ZMAT4: variants seen among roughly 807,000 people sequenced by gnomAD.
ZMAT4 encodes the protein zinc finger matrin-type 4, also known as zinc finger matrin-type protein 4.
Under a neutral mutation model 28.7 loss-of-function variants are expected in ZMAT4, and 17 were observed. The observed-to-expected ratio is 0.59, with a 90% confidence interval of 0.41 to 0.89. The LOEUF (loss-of-function observed/expected upper bound fraction) is 0.89. Ranked by LOEUF, ZMAT4 falls within the 40% of genes least tolerant of loss-of-function variation. ZMAT4 has a pLI of 0.00. For missense variants in ZMAT4, 240 were observed against 283.8 expected (o/e 0.85, Z 1.11); for synonymous variants, 117 against 109.2 (o/e 1.07, Z -0.44).
chr8:40,759,850 A>G (rs1812853784), intron 3 of ZMAT4, among the ~76,000 whole-genome samples: 1 of 152,186 alleles, frequency 6.6e-6, no homozygotes, highest in African/African-American at 2.4e-5. Flanking sequence ...TCCCCAAAAG[A>G]CATAGATAAG....
At chr8:40,533,836 C>T (rs1802767506) in intron 6 of ZMAT4, among the ~76,000 whole-genome samples, 1 of 152,216 alleles carries the variant, frequency 6.6e-6, no homozygotes, top group African/African-American at 2.4e-5. Flanking sequence ...CTGCTACCAT[C>T]CGGTCATGAC....
chr8:40,547,237 A>G (rs1803232018), intron 6 of ZMAT4, among the ~76,000 whole-genome samples: 1 of 152,052 alleles, frequency 6.6e-6, no homozygotes, highest in South Asian at 2.1e-4. Context: ...CAGTGATCTC[A>G]TGAACGGCTG....
At chr8:40,728,550 A>G (rs1285587532) in intron 3 of ZMAT4, among the ~76,000 whole-genome samples, 1 of 152,208 alleles carries the variant, frequency 6.6e-6, no homozygotes, top group African/African-American at 2.4e-5. Context: ...ACTACTAACT[A>G]AACACCAGAA....
chr8:40,651,149 A>C (rs1807627660), intron 5 of ZMAT4, among the ~76,000 whole-genome samples: 1 of 152,138 alleles, frequency 6.6e-6, no homozygotes, highest in Admixed American at 6.5e-5. Flanking sequence ...CCCTGTTTGC[A>C]GACGACATGA....
intron 5 of ZMAT4, among the ~76,000 whole-genome samples, chr8:40,647,867 G>GT (rs1260515343): frequency 2.6e-5 from 4 of 152,144 alleles, no homozygotes; most frequent in African/African-American, 9.7e-5. Flanking sequence ...TGAGGGTCCT[G>GT]TCTGTTAGAA....
chr8:40,632,168 C>T (rs1806612518), intron 5 of ZMAT4, among the ~76,000 whole-genome samples: 1 of 152,148 alleles, frequency 6.6e-6, no homozygotes, highest in Non-Finnish European at 1.5e-5. Flanking sequence ...TATTTGGTGC[C>T]TGAAGTCTGG....
intron 2 of ZMAT4, among the ~76,000 whole-genome samples, chr8:40,801,449 T>G (rs986404798): frequency 6.0e-5 from 9 of 150,160 alleles, no homozygotes; most frequent in Non-Finnish European, 1.0e-4. Context: ...AGGCAGATCA[T>G]CTGAGGTCAG....
chr8:40,637,696 A>G (rs982779105), intron 5 of ZMAT4, among the ~76,000 whole-genome samples: 3 of 152,224 alleles, frequency 2.0e-5, no homozygotes, highest in Admixed American at 2.0e-4. Flanking sequence ...ACTGCATTTA[A>G]GAACACCTGG....
rs1804460299 is a variant in ZMAT4 at position 40,581,359 on chromosome 8, A to T, written c.578-98T>A. ...GAAGTTCAGGGACACAGTGTCGGAGATAACTCCTGATCTACCCCACCAACA... is the reference window on the plus strand; with the variant it reads ...GAAGTTCAGGGACACAGTGTCGGAGTTAACTCCTGATCTACCCCACCAACA... On this transcript the variant is annotated intron_variant, in intron 5 of 6. Coordinates refer to ENST00000297737, the MANE Select transcript of ZMAT4 (RefSeq NM_024645.3). 7.3e-6 allele frequency: 7 copies of T among 952,396 alleles called. No homozygotes were observed. In the Admixed American group the frequency reaches 1.3e-4, roughly 17 times the overall value. 59.0% of individuals were successfully genotyped at this position (952,396 alleles called of 1,614,324 possible). A position where few individuals can be genotyped will look rare whatever the true frequency, so the allele number is the denominator to read the frequency against.
intron 3 of ZMAT4, among the ~76,000 whole-genome samples, chr8:40,759,699 CCCCA>C (rs929929632): frequency 4.2e-4 from 64 of 152,216 alleles, no homozygotes; most frequent in African/African-American, 1.5e-3. Context: ...CTTGGTCGCG[CCCCA>C]CCCACATGAC....
intron 1 of ZMAT4, among the ~76,000 whole-genome samples, chr8:40,853,028 A>G (rs1003174414): frequency 6.6e-6 from 1 of 152,100 alleles, no homozygotes; most frequent in African/African-American, 2.4e-5. Flanking sequence ...AACGCCTCCC[A>G]AATATTTAAG....
chr8:40,844,629 CCTCTCTCTCTGCATG>C (rs1432658530), intron 1 of ZMAT4, among the ~76,000 whole-genome samples: 1 of 150,080 alleles, frequency 6.7e-6, no homozygotes, highest in East Asian at 2.0e-4. Flanking sequence ...CTCTCTCTCT[CCTCTCTCTCTGCATG>C]CTCTCTCTCA....
At chr8:40,771,353 A>C (rs1011998379) in intron 2 of ZMAT4, among the ~76,000 whole-genome samples, 2 of 151,300 alleles carry the variant, frequency 1.3e-5, no homozygotes, top group Non-Finnish European at 2.9e-5. Context: ...AAAAAAACCC[A>C]TGATTCATTA....
chr8:40,860,807 T>C (rs998019714), intron 1 of ZMAT4, among the ~76,000 whole-genome samples: 3 of 152,178 alleles, frequency 2.0e-5, no homozygotes, highest in African/African-American at 7.2e-5. Context: ...GTCTGCAGTC[T>C]GGAGGTGGAG....
At chr8:40,691,047 A>G in intron 4 of ZMAT4, 1 of 409,054 alleles carries the variant, frequency 2.4e-6, no homozygotes, top group Non-Finnish European at 3.3e-6. Flanking sequence ...TCTATTCAGT[A>G]GACCAGCAAA....
intron 3 of ZMAT4, among the ~76,000 whole-genome samples, chr8:40,756,451 T>C (rs1050878260): frequency 6.1e-5 from 8 of 130,340 alleles, no homozygotes; most frequent in Non-Finnish European, 1.1e-4. Context: ...TATATATATA[T>C]ATATATACAC....
At chr8:40,822,742 T>C (rs1428866215) in intron 2 of ZMAT4, among the ~76,000 whole-genome samples, 2 of 152,128 alleles carry the variant, frequency 1.3e-5, no homozygotes, top group East Asian at 1.9e-4. Context: ...TTTCTCACTG[T>C]AGGAAGGGCC....
At position 40,767,702 on chromosome 8, in the gene ZMAT4, A is replaced by G; in HGVS notation, c.131T>C (p.Leu44Pro). 6.2e-7 allele frequency: 1 copy of G among 1,612,752 alleles called. No homozygotes were observed. Among genetic ancestry groups the G allele is most frequent in the Non-Finnish European group, 8.5e-7 (1 of 1,179,580 alleles). Residue 44 changes from leucine to proline, a missense_variant, in exon 3 of 7, where the codon CTG becomes CCG. Transcript: ENST00000297737. ...ESRKHASKVR[L>P]YYMLHPRDGG... is the part of the protein sequence containing the mutation. ...ATCCCTGGGGTGAAGCATGTAATAC[A>G]GTCGGACTTTGCTTGCATGTTTTCG...
intron 1 of ZMAT4, among the ~76,000 whole-genome samples, chr8:40,834,311 C>G (rs1816398878): frequency 6.6e-6 from 1 of 152,054 alleles, no homozygotes; most frequent in South Asian, 2.1e-4. Flanking sequence ...CCACCTCTCC[C>G]CTCTCTGATC....
Sources: gnomAD v4.1 joint callset for allele counts (sites outside exome capture counted in the v4.1 genomes callset) on GRCh38, gnomAD v4.1.1 for gene constraint, MANE v1.5 for transcripts, NCBI Gene and HGNC (gene_info 2026-07-23, HGNC 2026-07-21) for gene names.